FADS6: variants seen among roughly 807,000 people sequenced by gnomAD.
FADS6 encodes the protein fatty acid desaturase domain family, member 6.
Under a neutral mutation model 31.7 loss-of-function variants are expected in FADS6, and 28 were observed. The ratio of observed to expected loss-of-function variants is 0.88; its 90% CI spans 0.66 to 1.21. The LOEUF (loss-of-function observed/expected upper bound fraction) is 1.21, where lower values mean the gene tolerates loss of function less well. FADS6 is among the 50% of genes most tolerant of loss of function. FADS6 has a pLI of 0.00. For missense variants in FADS6, 494 were observed against 504.2 expected (o/e 0.98, Z 0.19); for synonymous variants, 191 against 213.1 (o/e 0.90, Z 0.90).
intron 2 of FADS6, 194 bp from the exon 3 acceptor site, chr17:74,882,904 TCAATA>T: frequency 7.0e-7 from 1 of 1,428,124 alleles, no homozygotes; most frequent in Non-Finnish European, 9.3e-7. Context: ...TGGCAGCCAG[TCAATA>T]CAATCGTGTC....
chr17:74,878,354 T>C lies in FADS6; in HGVS notation c.1084A>G (p.Ile362Val). ...YEEFMVQAPPITELVGL is the reference protein window; with the variant it reads ...YEEFMVQAPPVTELVGL ...CATTACAGCCCCACAAGCTCAGTGA[T>C]GGGTGGGGCCTGCACCATGAATTCC... Residue 362 changes from isoleucine to valine, a missense_variant, in exon 6 of 6, where the codon ATC becomes GTC. Coordinates refer to ENST00000612771, the MANE Select transcript of FADS6 (RefSeq NM_178128.6). 1 of 1,613,772 alleles carries C rather than the reference T, an allele frequency of 6.2e-7. No homozygotes were observed. The highest frequency in any genetic ancestry group is 1.3e-5 in the African/African-American group (1 of 75,052).
intron 2 of FADS6, among the ~76,000 whole-genome samples, chr17:74,887,276 G>C (rs2038633294): frequency 1.3e-5 from 2 of 152,054 alleles, no homozygotes; most frequent in Admixed American, 1.3e-4. Flanking sequence ...GTAGAGACAG[G>C]CTCTCGCTGT....
At chr17:74,876,342 T>C (rs186607909), downstream of FADS6, among the ~76,000 whole-genome samples, 1 of 152,168 alleles carries the variant, frequency 6.6e-6, no homozygotes, top group Admixed American at 6.5e-5. Flanking sequence ...GCTCAGAGAA[T>C]GACTTGCATG....
chr17:74,878,272 A>G lies in FADS6; in HGVS notation c.*59T>C, dbSNP rs2038527675. On this transcript the variant is annotated 3_prime_UTR_variant, in exon 6 of 6. Transcript: ENST00000612771. ...GAGCCACACCCCCTGGACCAGCAGC[A>G]GCAGGAGGGCCAGGGCCAGGCCAGG... 30 of 1,546,516 alleles carry G rather than the reference A, an allele frequency of 1.9e-5. No homozygotes were observed. In the South Asian group the frequency reaches 3.6e-4, roughly 19 times the overall value.
chr17:74,892,493 C>T (rs758178191), intron 2 of FADS6, 30 bp downstream of exon 2: 1 of 1,600,124 alleles, frequency 6.2e-7, no homozygotes, highest in East Asian at 2.3e-5. Context: ...GTCCCAGCAG[C>T]TGCCTGCATC....
intron 2 of FADS6, among the ~76,000 whole-genome samples, chr17:74,891,414 A>C (rs970046023): frequency 6.6e-6 from 1 of 151,840 alleles, no homozygotes; most frequent in Non-Finnish European, 1.5e-5. Flanking sequence ...AGTCCATGTC[A>C]CCAGCACAGC....
In FADS6 at chr17:74,892,571, G is replaced by A. The variant is rs200303262; in HGVS notation, c.363C>T (p.Leu121=). 428 of 1,613,520 alleles carry A rather than the reference G, an allele frequency of 2.7e-4. 2 individuals are homozygous for A. The highest frequency in any genetic ancestry group is 1.6e-3 in the Middle Eastern group (10 of 6,062). The part of the protein sequence containing the change: ...KGSHLATHGA[L]TESKRWSKIW... Reference sequence around the variant, plus strand: ...TCTTGCTCCAGCGTTTGGACTCGGTGAGGGCCCCATGAGTGGCCAGGTGGC... The same window carrying A: ...TCTTGCTCCAGCGTTTGGACTCGGTAAGGGCCCCATGAGTGGCCAGGTGGC... Residue 121 remains leucine, a synonymous_variant, in exon 2 of 6, where the codon CTC becomes CTT. Coordinates refer to ENST00000612771, the MANE Select transcript of FADS6 (RefSeq NM_178128.6).
At position 74,878,032 on chromosome 17, in the gene FADS6, T is replaced by C. The variant is rs1298785454; in HGVS notation, c.*299A>G. 2 of 1,151,152 alleles carry C rather than the reference T, an allele frequency of 1.7e-6. No individual in the cohort carries two copies. Among genetic ancestry groups the C allele is most frequent in the Admixed American group, 4.6e-5 (1 of 21,724 alleles). The allele number at this position is 1,151,152 out of a possible 1,614,324, so 71.3% of individuals were successfully genotyped here. On this transcript the variant is annotated 3_prime_UTR_variant, in exon 6 of 6. Coordinates refer to ENST00000612771, the MANE Select transcript of FADS6 (RefSeq NM_178128.6). ...CCCTTTAACCCTACCAAGGCTCAGA[T>C]GGAGCAGGGGGAAGGACCCAGCTCT...
rs2038719380 is a variant in FADS6 at position 74,893,562 on chromosome 17, G to A, written c.34C>T (p.Pro12Ser). The change falls in exon 1 of 6, where the codon CCC (proline) becomes TCC (serine). Residue 12 changes from proline (P) to serine (S), a missense_variant. Pro to Ser is a moderately conservative substitution (Grantham distance 74). Coordinates refer to ENST00000612771, the MANE Select transcript of FADS6 (RefSeq NM_178128.6). The part of the protein sequence containing the change: ...EPTEPMEPTE[P>S]MEPTEPMEPT... ...TCCATGGGCTCCGTAGGTTCCATGG[G>A]CTCCGTAGGTTCCATCGGCTCCGTG... 3 of 1,387,632 alleles carry A rather than the reference G, an allele frequency of 2.2e-6. No homozygotes were observed. Among genetic ancestry groups the A allele is most frequent in the Admixed American group, 2.3e-5 (1 of 43,356 alleles). The allele number at this position is 1,387,632 out of a possible 1,614,324, so 86.0% of individuals were successfully genotyped here.
rs185000918 is a variant in FADS6, at chr17:74,878,605, G to A, written c.961-128C>T. On this transcript the variant is annotated intron_variant, in intron 5 of 5. Transcript: ENST00000612771. ...TATCGGCCTTGTTCCAAGATTCTCC[G>A]GAGGAGCAGAAGGGCTTAAGTCAGA... 1.6e-3 allele frequency: 1,915 copies of A among 1,179,676 alleles called. 5 individuals are homozygous for A. Among genetic ancestry groups the A allele is most frequent in the Admixed American group, 2.9e-3 (115 of 40,008 alleles). 73.1% of individuals were successfully genotyped at this position (1,179,676 alleles called of 1,614,324 possible).
At position 74,881,272 on chromosome 17, in the gene FADS6, G is replaced by A. The variant is rs1425184203; in HGVS notation, c.593-17C>T. On this transcript the variant is annotated splice_polypyrimidine_tract_variant and intron_variant, in intron 3 of 5. Transcript: ENST00000612771. Reference sequence around the variant, plus strand: ...TCAGCCGCTCTGCCATAGAGGGAGGGGACAGGCAAGGCTCAGATCCATCAG... The same window carrying A: ...TCAGCCGCTCTGCCATAGAGGGAGGAGACAGGCAAGGCTCAGATCCATCAG... 3 of 1,575,984 alleles carry A rather than the reference G, an allele frequency of 1.9e-6. 1 individual carries two copies. Among genetic ancestry groups the A allele is most frequent in the Non-Finnish European group, 2.6e-6 (3 of 1,162,178 alleles).
chr17:74,883,457 G>A (rs2038594504), intron 2 of FADS6, among the ~76,000 whole-genome samples: 1 of 152,180 alleles, frequency 6.6e-6, no homozygotes, highest in Admixed American at 6.5e-5. Flanking sequence ...TATTGAAGAT[G>A]CTGCCTGTTT....
In FADS6 at chr17:74,877,953, C is replaced by G. The variant is rs1397265532; in HGVS notation, c.*378G>C. ...GAGCTGACCCTGTTCTCTCTGTGCC[C>G]CCTGCTATCTCCCAGGTGGCCCCTG... On this transcript the variant is annotated 3_prime_UTR_variant, in exon 6 of 6. Coordinates refer to ENST00000612771, the MANE Select transcript of FADS6 (RefSeq NM_178128.6). The G allele has an allele frequency of 2.0e-6, 2 of 1,007,656 alleles. No individual in the cohort carries two copies. Among genetic ancestry groups the G allele is most frequent in the Non-Finnish European group, 2.4e-6 (2 of 844,958 alleles). 62.4% of individuals were successfully genotyped at this position (1,007,656 alleles called of 1,614,324 possible). A position where few individuals can be genotyped will look rare whatever the true frequency, so the allele number is the denominator to read the frequency against.
At chr17:74,886,740 C>T (rs1020204893) in intron 2 of FADS6, among the ~76,000 whole-genome samples, 1 of 152,174 alleles carries the variant, frequency 6.6e-6, no homozygotes, top group Non-Finnish European at 1.5e-5. Flanking sequence ...CCCCCTTTCC[C>T]CTCTCCAGGG....
chr17:74,885,102 T>C (rs2038609782), intron 2 of FADS6, among the ~76,000 whole-genome samples: 1 of 151,840 alleles, frequency 6.6e-6, no homozygotes, highest in African/African-American at 2.4e-5. Flanking sequence ...CCCTCCATGA[T>C]CCAGTCACCT....
chr17:74,880,292 G>A (rs994380303), intron 4 of FADS6, among the ~76,000 whole-genome samples: 7 of 152,128 alleles, frequency 4.6e-5, no homozygotes, highest in Admixed American at 1.3e-4. Flanking sequence ...CTACTGCTTG[G>A]CATCCGCGCA....
At chr17:74,882,127 G>T (rs1278410831) in intron 3 of FADS6, among the ~76,000 whole-genome samples, 1 of 152,008 alleles carries the variant, frequency 6.6e-6, no homozygotes, top group Non-Finnish European at 1.5e-5. Flanking sequence ...GTGGAGATGG[G>T]GTTTCACCAT....
rs374233442 is a variant in FADS6, at chr17:74,882,558, G to A, written c.564C>T (p.Leu188=). The A allele has an allele frequency of 6.6e-5, 107 of 1,611,696 alleles. No homozygotes were observed. Among genetic ancestry groups the A allele is most frequent in the Non-Finnish European group, 8.9e-5 (105 of 1,179,060 alleles). The change falls in exon 3 of 6, where the codon CTC becomes CTT. Residue 188 remains leucine (L), a synonymous_variant. Transcript: ENST00000612771. ...YVYMFLAPFL[L]PIATPLVAVE... ...CAGCCACCAGTGGAGTGGCGATGGG[G>A]AGGAGGAAAGGAGCAAGGAACATGT...
chr17:74,892,116 G>A (rs1025211981), intron 2 of FADS6, among the ~76,000 whole-genome samples: 2 of 152,200 alleles, frequency 1.3e-5, no homozygotes, highest in Non-Finnish European at 2.9e-5. Flanking sequence ...GGGCTTCTCA[G>A]GAAGGCTAGG....
Sources: gnomAD v4.1 joint callset for allele counts (sites outside exome capture counted in the v4.1 genomes callset) on GRCh38, gnomAD v4.1.1 for gene constraint, MANE v1.5 for transcripts, NCBI Gene and HGNC (gene_info 2026-07-23, HGNC 2026-07-21) for gene names.